GRXCR1: variants seen among roughly 807,000 people sequenced by gnomAD.
The protein encoded by GRXCR1 is glutaredoxin domain-containing cysteine-rich protein 1.
In GRXCR1, 27 loss-of-function variants were observed where a neutral mutation model predicts 27.3. The observed-to-expected ratio is 0.99, with a 90% confidence interval of 0.73 to 1.37. GRXCR1 has a LOEUF of 1.37. GRXCR1 is among the 40% of genes most tolerant of loss of function. The pLI is 0.00. For synonymous variants in GRXCR1, 122 were observed against 131.1 expected (o/e 0.93, Z 0.47); for missense variants, 379 against 354.4 (o/e 1.07, Z -0.56).
At chr4:42,949,219 G>A (rs1334439493) in intron 1 of GRXCR1, among the ~76,000 whole-genome samples, 2 of 151,388 alleles carry the variant, frequency 1.3e-5, no homozygotes, top group African/African-American at 4.9e-5. Flanking sequence ...CAAAAAAAAA[G>A]CTGGGTGTGG....
Position 43,017,961 on chromosome 4 carries a change from C to A in GRXCR1, c.628-2393C>A, listed in dbSNP as rs560554094. ...AGATTGAGATTTACCCCGATAAATGCTCCAAACCTCAGCATGGGAGTGATC... is the reference window on the plus strand; with the variant it reads ...AGATTGAGATTTACCCCGATAAATGATCCAAACCTCAGCATGGGAGTGATC... On this transcript the variant is annotated intron_variant, in intron 2 of 3. Coordinates refer to ENST00000399770, the MANE Select transcript of GRXCR1 (RefSeq NM_001080476.3). Among the ~76,000 whole-genome samples, 18 of 152,306 alleles carry A rather than the reference C, an allele frequency of 1.2e-4. No individual in the cohort carries two copies. The South Asian group carries it at 2.9e-3, about 25-fold the overall frequency.
intron 1 of GRXCR1, among the ~76,000 whole-genome samples, chr4:42,908,203 T>C (rs1003090388): frequency 2.6e-5 from 4 of 152,198 alleles, no homozygotes; most frequent in African/African-American, 9.6e-5. Flanking sequence ...AGCCTGAGCT[T>C]AGATAAGCCA....
chr4:43,012,883 G>A (rs553956716), intron 2 of GRXCR1, among the ~76,000 whole-genome samples: 30 of 152,076 alleles, frequency 2.0e-4, no homozygotes, highest in South Asian at 2.1e-4. Context: ...AAAAATGTGC[G>A]AAAGACATGA....
intron 3 of GRXCR1, among the ~76,000 whole-genome samples, chr4:43,028,672 T>C (rs993155696): frequency 4.6e-5 from 7 of 152,382 alleles, no homozygotes; most frequent in Non-Finnish European, 1.0e-4. Flanking sequence ...GCTTTTAAAG[T>C]ACACTATTTT....
rs577200931 is a variant in GRXCR1, at chr4:43,004,850, G to A, written c.628-15504G>A. ...TTGCCTTGTCTCAGATGAGATTGTG[G>A]ACATGGACGTTTGAGTTAATGCTGG... On this transcript the variant is annotated intron_variant, in intron 2 of 3. Coordinates refer to ENST00000399770, the MANE Select transcript of GRXCR1 (RefSeq NM_001080476.3). Among the ~76,000 whole-genome samples the A allele has an allele frequency of 3.9e-5, 6 of 152,308 alleles. No homozygotes were observed. In the South Asian group the frequency reaches 6.2e-4, roughly 16 times the overall value.
At chr4:42,930,761 A>T (rs940825487) in intron 1 of GRXCR1, among the ~76,000 whole-genome samples, 14 of 151,978 alleles carry the variant, frequency 9.2e-5, no homozygotes, top group Non-Finnish European at 2.1e-4. Flanking sequence ...AGACATAGTG[A>T]TCAGATAATA....
At chr4:42,932,162 T>C (rs1747326960) in intron 1 of GRXCR1, among the ~76,000 whole-genome samples, 1 of 151,890 alleles carries the variant, frequency 6.6e-6, no homozygotes, top group African/African-American at 2.4e-5. Context: ...GGCTGTAGAA[T>C]GTATCTCTTA....
At chr4:42,952,292 A>G (rs1747900836) in intron 1 of GRXCR1, among the ~76,000 whole-genome samples, 2 of 152,190 alleles carry the variant, frequency 1.3e-5, no homozygotes, top group African/African-American at 4.8e-5. Context: ...CCACTTTTCT[A>G]GCTGAGTAGG....
At position 42,954,787 on chromosome 4, in the gene GRXCR1, G is replaced by A. The variant is rs188522493; in HGVS notation, c.385-8105G>A. On this transcript the variant is annotated intron_variant, in intron 1 of 3. Coordinates refer to ENST00000399770, the MANE Select transcript of GRXCR1 (RefSeq NM_001080476.3). The stretch of plus-strand genomic sequence containing the variant: ...ACCTTCAGAGCTGAATAGAGAGTAT[G>A]GTTAGAATGGAAACAGATCTAGGAA... 5.9e-4 allele frequency among the ~76,000 whole-genome samples: 90 copies of A among 151,726 alleles called. 1 individual carries two copies. Among genetic ancestry groups the A allele is most frequent in the Non-Finnish European group, 9.4e-4 (64 of 68,032 alleles).
intron 1 of GRXCR1, among the ~76,000 whole-genome samples, chr4:42,945,187 T>G (rs1407861945): frequency 6.6e-6 from 1 of 152,174 alleles, no homozygotes; most frequent in East Asian, 1.9e-4. Flanking sequence ...AATGTCTTGC[T>G]TTTGGGCTTC....
chr4:42,909,061 G>A (rs897957862), intron 1 of GRXCR1, among the ~76,000 whole-genome samples: 2 of 152,152 alleles, frequency 1.3e-5, no homozygotes, highest in African/African-American at 2.4e-5. Context: ...ATGCCCCAGT[G>A]GTTGTGAGCT....
At chr4:42,979,916 A>G (rs1426427569) in intron 2 of GRXCR1, among the ~76,000 whole-genome samples, 1 of 151,924 alleles carries the variant, frequency 6.6e-6, no homozygotes, top group African/African-American at 2.4e-5. Flanking sequence ...CCAGGAATTC[A>G]TTCATTTCTT....
chr4:42,903,510 A>T (rs546502531), intron 1 of GRXCR1, among the ~76,000 whole-genome samples: 1 of 146,302 alleles, frequency 6.8e-6, no homozygotes, highest in Non-Finnish European at 1.5e-5. Context: ...AATGGGGTTT[A>T]ACCATGTTAG....
chr4:42,980,050 T>C (rs1215718683), intron 2 of GRXCR1, among the ~76,000 whole-genome samples: 3 of 151,194 alleles, frequency 2.0e-5, no homozygotes, highest in Admixed American at 2.0e-4. Flanking sequence ...TCCTCTTCTT[T>C]TTTTCCTTAG....
intron 1 of GRXCR1, among the ~76,000 whole-genome samples, chr4:42,948,248 T>A (rs918062519): frequency 1.4e-5 from 2 of 139,578 alleles, no homozygotes; most frequent in African/African-American, 2.7e-5. Flanking sequence ...TTTTTTTTTT[T>A]AATACCTGAA....
intron 1 of GRXCR1, among the ~76,000 whole-genome samples, chr4:42,904,555 A>C (rs1357478941): frequency 6.6e-6 from 1 of 152,126 alleles, no homozygotes; most frequent in Non-Finnish European, 1.5e-5. Flanking sequence ...TTAATGTGGG[A>C]AAATGTACTT....
At chr4:42,998,629 T>C (rs532582767) in intron 2 of GRXCR1, among the ~76,000 whole-genome samples, 3 of 152,340 alleles carry the variant, frequency 2.0e-5, no homozygotes, top group Admixed American at 6.5e-5. Flanking sequence ...GGTTTGCATT[T>C]GGGCCGACAT....
At chr4:43,007,578 G>A (rs1440284548) in intron 2 of GRXCR1, among the ~76,000 whole-genome samples, 1 of 152,152 alleles carries the variant, frequency 6.6e-6, no homozygotes, top group Non-Finnish European at 1.5e-5. Context: ...GGGAGGTGGT[G>A]GACCCCAGAA....
intron 1 of GRXCR1, among the ~76,000 whole-genome samples, chr4:42,906,954 C>T (rs1317089965): frequency 1.3e-5 from 2 of 152,126 alleles, no homozygotes; most frequent in Admixed American, 6.6e-5. Context: ...TTTCCACACT[C>T]GAGAGATCTC....
Sources: allele counts gnomAD v4.1 joint callset (sites outside exome capture counted in the v4.1 genomes callset), GRCh38; gene constraint gnomAD v4.1.1; transcripts MANE v1.5; gene names NCBI Gene and HGNC (gene_info 2026-07-23, HGNC 2026-07-21).